Variants in TTC28 observed in about 807,000 individuals in gnomAD.
TTC28 encodes the protein tetratricopeptide repeat protein 28.
A neutral mutation model predicts 198.0 loss-of-function variants in TTC28; 61 were observed. That is an observed-to-expected ratio of 0.31 (90% CI 0.25 to 0.38). The LOEUF is 0.38. Among genes scored for constraint, TTC28 ranks in the 10% least tolerant of loss-of-function variants. The probability of loss-of-function intolerance (pLI) is 1.00; values close to 1 mark genes in which losing one functional copy is unlikely to be tolerated. For synonymous variants in TTC28, 1,171 were observed against 1,297.8 expected, an observed-to-expected ratio of 0.90 and a Z score of 2.10; for missense variants, 2,678 against 3,164.0, an observed-to-expected ratio of 0.85 and a Z score of 3.69.
chr22:28,161,960 T>C lies in TTC28; in HGVS notation c.1441+1132A>G, dbSNP rs541685351. On this transcript the variant is annotated intron_variant, in intron 6 of 22. Transcript: ENST00000397906. ...GTGGCTAAGTTTTACATTCTGCTGC[T>C]ACTCATATCTGATAAGCATATCAAT... Among the ~76,000 whole-genome samples the C allele has an allele frequency of 1.4e-4, 22 of 152,234 alleles. No homozygotes were observed. In the South Asian group the frequency reaches 4.6e-3, roughly 32 times the overall value.
Position 28,101,178 on chromosome 22 carries a change from T to C in TTC28, c.3410A>G (p.Gln1137Arg), listed in dbSNP as rs1056375927. The part of the protein sequence containing the change: ...LWASGNLEEA[Q>R]HQLYRASALF... ...GTCAGGGGTTCTGCTTACCTGGTGT[T>C]GGGCCTCCTCCAAGTTTCCACTAGC... Residue 1137 changes from glutamine (Q) to arginine (R), a missense_variant, in exon 9 of 23, where the codon CAA becomes CGA. Coordinates refer to ENST00000397906, the MANE Select transcript of TTC28 (RefSeq NM_001145418.2). 3 of 1,550,470 alleles carry C rather than the reference T, an allele frequency of 1.9e-6. No homozygotes were observed. Among genetic ancestry groups the C allele is most frequent in the Non-Finnish European group, 2.6e-6 (3 of 1,146,510 alleles).
intron 2 of TTC28, among the ~76,000 whole-genome samples, chr22:28,430,887 G>GAA (rs695539): frequency 1.5e-5 from 2 of 134,554 alleles, no homozygotes; most frequent in Admixed American, 7.8e-5. Flanking sequence ...CATTGTAAAA[G>GAA]AAAAAAAAAA....
chr22:28,350,968 G>T (rs943998406), intron 2 of TTC28, among the ~76,000 whole-genome samples: 1 of 152,008 alleles, frequency 6.6e-6, no homozygotes, highest in Admixed American at 6.6e-5. Flanking sequence ...GGATCACAAG[G>T]TCAGGAGATC....
chr22:28,231,354 GGTTT>G (rs1275940670), intron 5 of TTC28, among the ~76,000 whole-genome samples: 2 of 152,274 alleles, frequency 1.3e-5, no homozygotes, highest in South Asian at 2.1e-4. Context: ...CTGAGACTAA[GGTTT>G]GTTTGTTTTT....
chr22:28,669,312 A>AG (rs982109389), intron 1 of TTC28, among the ~76,000 whole-genome samples: 1 of 151,772 alleles, frequency 6.6e-6, no homozygotes, highest in African/African-American at 2.4e-5. Flanking sequence ...TAAAAAAAAA[A>AG]AAAGAAAGAA....
intron 2 of TTC28, among the ~76,000 whole-genome samples, chr22:28,361,817 A>G (rs2046163529): frequency 6.6e-6 from 1 of 152,168 alleles, no homozygotes; most frequent in Non-Finnish European, 1.5e-5. Context: ...CATTTTATTC[A>G]CCATTCTGAA....
At chr22:28,669,906 GGTTT>G (rs1467811583) in intron 1 of TTC28, among the ~76,000 whole-genome samples, 1 of 151,912 alleles carries the variant, frequency 6.6e-6, no homozygotes, top group Non-Finnish European at 1.5e-5. Flanking sequence ...AAAATATAAA[GGTTT>G]ATTACTGGAT....
intron 12 of TTC28, among the ~76,000 whole-genome samples, chr22:28,090,666 C>A (rs1192503908): frequency 6.6e-6 from 1 of 152,084 alleles, no homozygotes; most frequent in East Asian, 1.9e-4. Flanking sequence ...ACGATATGAG[C>A]CTGCTCATTC....
intron 2 of TTC28, among the ~76,000 whole-genome samples, chr22:28,557,388 C>G (rs1342339413): frequency 6.6e-6 from 1 of 152,146 alleles, no homozygotes; most frequent in Admixed American, 6.5e-5. Context: ...TTTGTGATTT[C>G]TTCAAACCAT....
intron 1 of TTC28, among the ~76,000 whole-genome samples, chr22:28,636,127 A>AT (rs71316851): frequency 0.015 from 955 of 65,654 alleles, 232 homozygotes; most frequent in African/African-American, 0.052. Context: ...AAATGTCAGG[A>AT]TTTTTTTTTT....
intron 13 of TTC28, among the ~76,000 whole-genome samples, chr22:28,028,468 C>G (rs1384533953): frequency 6.6e-6 from 1 of 152,158 alleles, no homozygotes; most frequent in Non-Finnish European, 1.5e-5. Flanking sequence ...AAGCTAGGGC[C>G]CTAGATATAC....
chr22:28,498,273 A>G lies in TTC28; in HGVS notation c.381+131279T>C, dbSNP rs536662608. 5.3e-5 allele frequency among the ~76,000 whole-genome samples: 8 copies of G among 152,332 alleles called. 1 individual carries two copies. In the South Asian group the frequency reaches 1.2e-3, roughly 24 times the overall value. ...ATCAACCACGATAAGGTTCAACCCT[A>G]TAGAGGTAACATGACTGTTAGCAGC... On this transcript the variant is annotated intron_variant, in intron 2 of 22. Coordinates refer to ENST00000397906, the MANE Select transcript of TTC28 (RefSeq NM_001145418.2).
intron 1 of TTC28, among the ~76,000 whole-genome samples, chr22:28,637,014 T>TTG (rs1555905653): frequency 6.2e-5 from 9 of 144,806 alleles, no homozygotes; most frequent in African/African-American, 1.8e-4. Context: ...GTTTTTTTTT[T>TTG]TTTTTTTTTT....
At chr22:28,553,721 A>ACCC (rs1305413373) in intron 2 of TTC28, among the ~76,000 whole-genome samples, 1 of 149,184 alleles carries the variant, frequency 6.7e-6, no homozygotes, top group African/African-American at 2.5e-5. Context: ...AGCCCCCGCC[A>ACCC]GGCCAACTGC....
At chr22:28,407,400 G>A (rs989823117) in intron 2 of TTC28, among the ~76,000 whole-genome samples, 2 of 152,060 alleles carry the variant, frequency 1.3e-5, no homozygotes, top group South Asian at 2.1e-4. Flanking sequence ...TGCTTGTCCA[G>A]TATGCCCAGG....
intron 5 of TTC28, among the ~76,000 whole-genome samples, chr22:28,251,297 CA>C (rs1930491056): frequency 6.6e-6 from 1 of 152,102 alleles, no homozygotes; most frequent in Non-Finnish European, 1.5e-5. Flanking sequence ...AGGAGTCAGC[CA>C]AATCATACTC....
intron 6 of TTC28, among the ~76,000 whole-genome samples, chr22:28,134,662 G>T (rs896190545): frequency 2.0e-5 from 3 of 152,162 alleles, no homozygotes; most frequent in African/African-American, 7.2e-5. Flanking sequence ...AGAGTAAAAA[G>T]AAATGAACGA....
intron 1 of TTC28, among the ~76,000 whole-genome samples, chr22:28,659,332 G>A (rs1237102865): frequency 2.6e-5 from 4 of 152,070 alleles, no homozygotes; most frequent in Non-Finnish European, 5.9e-5. Context: ...GCAGTGGCAC[G>A]ATCTTGGCTC....
At chr22:28,364,344 C>G (rs1327130052) in intron 2 of TTC28, among the ~76,000 whole-genome samples, 1 of 152,156 alleles carries the variant, frequency 6.6e-6, no homozygotes, top group Non-Finnish European at 1.5e-5. Flanking sequence ...TGAGGCCTCC[C>G]CAGCCACGTG....
Sources: gnomAD v4.1 joint callset for allele counts (sites outside exome capture counted in the v4.1 genomes callset) on GRCh38, gnomAD v4.1.1 for gene constraint, MANE v1.5 for transcripts, NCBI Gene and HGNC (gene_info 2026-07-23, HGNC 2026-07-21) for gene names.